Variants in NUDT22 observed in about 807,000 individuals in gnomAD.
NUDT22 encodes the protein nudix hydrolase 22.
A neutral mutation model predicts 28.8 loss-of-function variants in NUDT22; 23 were observed. The ratio of observed to expected loss-of-function variants is 0.80; its 90% CI spans 0.58 to 1.13. The LOEUF is 1.13. Among genes scored for constraint, NUDT22 ranks in the 50% most tolerant of loss-of-function variants. The probability of loss-of-function intolerance (pLI) is 0.00; values close to 1 mark genes in which losing one functional copy is unlikely to be tolerated. For missense variants in NUDT22, 358 were observed against 387.3 expected, an observed-to-expected ratio of 0.92 and a Z score of 0.64; for synonymous variants, 175 against 173.7, an observed-to-expected ratio of 1.01 and a Z score of -0.06.
chr11:64,227,908 T>C (rs1270029376), intron 3 of NUDT22: 6 of 454,312 alleles, frequency 1.3e-5, no homozygotes, highest in Non-Finnish European at 2.0e-5. Flanking sequence ...CTCGCTCTGT[T>C]GCCCAGGCTG....
chr11:64,227,202 C>A, intron 2 of NUDT22, 70 bp downstream of exon 2: 2 of 1,520,416 alleles, frequency 1.3e-6, no homozygotes, highest in Non-Finnish European at 1.8e-6. Flanking sequence ...CCTCCCAATC[C>A]TCCCAGCTTT....
At chr11:64,229,661 G>A in intron 5 of NUDT22, 90 bp downstream of exon 5, 2 of 1,388,280 alleles carry the variant, frequency 1.4e-6, no homozygotes, top group Non-Finnish European at 2.0e-6. Context: ...GGTGTTGGCT[G>A]GGTCACAATT....
chr11:64,227,386 G>C (rs182893079), intron 2 of NUDT22, 182 bp from the exon 3 acceptor site: 6 of 724,536 alleles, frequency 8.3e-6, no homozygotes, highest in African/African-American at 1.7e-5. Context: ...TGCCCCCTGT[G>C]TATCTCCTTT....
At chr11:64,226,510 T>A (rs1947023193) in intron 1 of NUDT22, 83 bp downstream of exon 1, 1 of 1,459,442 alleles carries the variant, frequency 6.9e-7, no homozygotes, top group East Asian at 2.4e-5. Flanking sequence ...GCCCAAGGAG[T>A]GGTCAGGGGG....
chr11:64,229,162 C>T (rs961439147), intron 3 of NUDT22, 85 bp from the exon 4 acceptor site: 1 of 847,994 alleles, frequency 1.2e-6, no homozygotes, highest in African/African-American at 1.7e-5. Flanking sequence ...ACACAGGTAA[C>T]AGGCGGTTTT....
chr11:64,229,601 G>A, intron 5 of NUDT22, 30 bp downstream of exon 5: 2 of 1,598,642 alleles, frequency 1.3e-6, no homozygotes, highest in Non-Finnish European at 1.7e-6. Context: ...CTTGCTTGGA[G>A]GCCAGGGCTG....
chr11:64,227,766 C>A, intron 3 of NUDT22, 100 bp downstream of exon 3: 1 of 917,268 alleles, frequency 1.1e-6, no homozygotes, highest in Admixed American at 1.9e-5. Context: ...CTGCAGGCAT[C>A]TGGCCAGCAA....
chr11:64,227,838 C>T (rs975044700), intron 3 of NUDT22, 172 bp downstream of exon 3: 2 of 605,142 alleles, frequency 3.3e-6, no homozygotes, highest in Non-Finnish European at 5.9e-6. Flanking sequence ...CCCTCAGTAC[C>T]CTCTGCCTTG....
At position 64,226,999 on chromosome 11, in the gene NUDT22, A is replaced by G. The variant is rs1023390385; in HGVS notation, c.347A>G (p.Tyr116Cys). 2 of 1,603,068 alleles carry G rather than the reference A, an allele frequency of 1.2e-6. No homozygotes were observed. Among genetic ancestry groups the G allele is most frequent in the East Asian group, 2.2e-5 (1 of 44,890 alleles). ...ACCGACTGGGGTGACACGCAGGCCT[A>G]TCTGGCGGACCCACTGGGGGTGGGC... ...GATDWGDTQAYLADPLGVGAA... is the reference protein window; with the variant it reads ...GATDWGDTQACLADPLGVGAA... Residue 116 changes from tyrosine (Y) to cysteine (C), a missense_variant, in exon 2 of 6, where the codon TAT becomes TGT. Tyr to Cys is a radical substitution (Grantham distance 194). Coordinates refer to ENST00000279206, the MANE Select transcript of NUDT22 (RefSeq NM_032344.4).
rs781050927 is a variant in NUDT22, at chr11:64,229,551, A to G, written c.751A>G (p.Ile251Val). 3 of 1,614,114 alleles carry G rather than the reference A, an allele frequency of 1.9e-6. No individual in the cohort carries two copies. The South Asian group carries it at 3.3e-5, about 18-fold the overall frequency. ...GGPEAHESTGIFFVETQNVQR... is the reference protein window; with the variant it reads ...GGPEAHESTGVFFVETQNVQR... ...ACCCGAGGCCCACGAGTCTACAGGA[A>G]TCTTCTTTGTGGAGACACAGGTGCA... is the stretch of plus-strand genomic sequence containing the variant. The change falls in exon 5 of 6, where the codon ATC becomes GTC. Residue 251 changes from isoleucine (I) to valine (V), a missense_variant. Coordinates refer to ENST00000279206, the MANE Select transcript of NUDT22 (RefSeq NM_032344.4).
upstream of NUDT22, chr11:64,226,262 C>CG (rs1217319736): frequency 1.1e-5 from 6 of 551,032 alleles, no homozygotes; most frequent in African/African-American, 3.9e-5. Flanking sequence ...ACTTCCGCTT[C>CG]GGGGAAGGGG....
At chr11:64,229,731 C>G in intron 5 of NUDT22, 119 bp from the exon 6 acceptor site, 1 of 1,392,760 alleles carries the variant, frequency 7.2e-7, no homozygotes, top group Non-Finnish European at 1.0e-6. Flanking sequence ...ACATGTTCAG[C>G]CCCTTAACAT....
At chr11:64,226,551 G>T in intron 1 of NUDT22, 84 bp from the exon 2 acceptor site, 1 of 1,499,204 alleles carries the variant, frequency 6.7e-7, no homozygotes, top group Admixed American at 2.3e-5. Context: ...CCCTCAGGAG[G>T]TCTGCGACAG....
chr11:64,226,559 C>T (rs1157848568), intron 1 of NUDT22, 76 bp from the exon 2 acceptor site: 1 of 1,501,590 alleles, frequency 6.7e-7, no homozygotes, highest in Non-Finnish European at 8.8e-7. Context: ...AGGTCTGCGA[C>T]AGAGGGGGCT....
chr11:64,228,131 A>G (rs368130987), intron 3 of NUDT22, among the ~76,000 whole-genome samples: 15 of 148,766 alleles, frequency 1.0e-4, no homozygotes, highest in African/African-American at 3.7e-4. Flanking sequence ...TCAGCCTCCA[A>G]AAGTGCTGGG....
intron 1 of NUDT22, 84 bp from the exon 2 acceptor site, chr11:64,226,551 G>A (rs1478951040): frequency 2.0e-6 from 3 of 1,499,086 alleles, no homozygotes. Context: ...CCCTCAGGAG[G>A]TCTGCGACAG....
Position 64,227,114 on chromosome 11 carries a change from TGGGC to T in NUDT22, c.463_466del (p.Gly155ThrfsTer39). The T allele has an allele frequency of 2.5e-6, 4 of 1,592,190 alleles. No homozygotes were observed. Among genetic ancestry groups the T allele is most frequent in the Non-Finnish European group, 3.4e-6 (4 of 1,174,058 alleles). The stretch of plus-strand genomic sequence containing the variant: ...CCCCTGGGCTGGTGGACGTACCTGG[TGGGC>T]ACCCTGAGCCTCAGGTGAGATTCCA... On this transcript the variant is annotated frameshift_variant, in exon 2 of 6. Transcript: ENST00000279206. LOFTEE classifies it high-confidence loss of function.
At chr11:64,228,997 T>G in intron 3 of NUDT22, 3 of 468,916 alleles carry the variant, frequency 6.4e-6, no homozygotes, top group Non-Finnish European at 7.6e-6. Context: ...GAAAAAGGAG[T>G]AAGTGGGAGT....
intron 1 of NUDT22, 96 bp from the exon 2 acceptor site, chr11:64,226,539 T>A: frequency 6.7e-7 from 1 of 1,492,072 alleles, no homozygotes; most frequent in Non-Finnish European, 8.9e-7. Flanking sequence ...GCGCTGCGGA[T>A]ACCCTCAGGA....
Sources: gnomAD v4.1 joint callset for allele counts (sites outside exome capture counted in the v4.1 genomes callset) on GRCh38, gnomAD v4.1.1 for gene constraint, MANE v1.5 for transcripts, NCBI Gene and HGNC (gene_info 2026-07-23, HGNC 2026-07-21) for gene names.